The following KALRN variants were observed in gnomAD, a reference collection of about 807,000 sequenced individuals.
KALRN encodes the protein kalirin RhoGEF kinase, also known as kalirin.
In KALRN, 70 loss-of-function variants were observed where a neutral mutation model predicts 353.7. The observed-to-expected ratio is 0.20, with a 90% CI of 0.16 to 0.24. The LOEUF (loss-of-function observed/expected upper bound fraction) is 0.24, where lower values mean the gene tolerates loss of function less well. Ranked by LOEUF, KALRN falls within the 10% of genes least tolerant of loss-of-function variation. The probability of loss-of-function intolerance (pLI) is 1.00; values close to 1 mark genes in which losing one functional copy is unlikely to be tolerated. For synonymous variants in KALRN, 1,391 were observed against 1,434.8 expected (o/e 0.97, Z 0.69); for missense variants, 2,791 against 3,756.7 (o/e 0.74, Z 6.72).
In KALRN at chr3:124,456,601, C is replaced by T. The variant is rs530786621; in HGVS notation, c.3736-9C>T. On this transcript the variant is annotated splice_polypyrimidine_tract_variant and intron_variant, in intron 22 of 59. Transcript: ENST00000682506. ...CACAAGGTGACCTTTGTGATCCCTC[C>T]ATGTGCAGGATAATAAGGACCTGGA... 1.0e-5 allele frequency: 16 copies of T among 1,601,286 alleles called. No homozygotes were observed. The highest frequency in any genetic ancestry group is 1.3e-5 in the African/African-American group (1 of 74,714).
chr3:124,243,030 T>G lies in KALRN; in HGVS notation c.263+8087T>G, dbSNP rs906560157. Among the ~76,000 whole-genome samples, 3 of 152,174 alleles carry G rather than the reference T, an allele frequency of 2.0e-5. No homozygotes were observed. In the East Asian group the frequency reaches 5.8e-4, roughly 29 times the overall value. On this transcript the variant is annotated intron_variant, in intron 3 of 59. Coordinates refer to ENST00000682506, the MANE Select transcript of KALRN (RefSeq NM_001388419.1). ...ACCCCGAGCTTAATGCCTACATTGG[T>G]GGGGTAGTCTCTATCGTATTCTAGC...
At chr3:124,090,519 C>T (rs935780262) in intron 1 of KALRN, among the ~76,000 whole-genome samples, 5 of 152,228 alleles carry the variant, frequency 3.3e-5, no homozygotes, top group Non-Finnish European at 7.3e-5. Context: ...TTCTCAGCCT[C>T]CTGGGTGGCA....
At chr3:124,600,666 T>G (rs2076703969) in intron 34 of KALRN, among the ~76,000 whole-genome samples, 1 of 152,254 alleles carries the variant, frequency 6.6e-6, no homozygotes, top group African/African-American at 2.4e-5. Context: ...TGATATCATA[T>G]ATGTGACTAT....
intron 5 of KALRN, among the ~76,000 whole-genome samples, chr3:124,296,769 A>G (rs1197137140): frequency 6.6e-6 from 1 of 152,208 alleles, no homozygotes; most frequent in Non-Finnish European, 1.5e-5. Flanking sequence ...TGCCCTCGAC[A>G]CAGTGGGCTA....
intron 37 of KALRN, among the ~76,000 whole-genome samples, chr3:124,644,684 C>T (rs950679094): frequency 7.9e-5 from 12 of 152,212 alleles, no homozygotes; most frequent in African/African-American, 2.9e-4. Context: ...GCATAGTATT[C>T]CATGGTGTAT....
intron 2 of KALRN, among the ~76,000 whole-genome samples, chr3:124,229,439 A>G (rs1041477255): frequency 2.0e-5 from 3 of 152,276 alleles, no homozygotes; most frequent in African/African-American, 7.2e-5. Flanking sequence ...TTTGAGAAAC[A>G]TGCCACGTGC....
At position 124,674,418 on chromosome 3, in the gene KALRN, T is replaced by A. The variant is rs1559827297; in HGVS notation, c.6997T>A (p.Tyr2333Asn). Residue 2333 changes from tyrosine (Y) to asparagine (N), a missense_variant, in exon 49 of 60, where the codon TAT (tyrosine) becomes AAT (asparagine). Coordinates refer to ENST00000682506, the MANE Select transcript of KALRN (RefSeq NM_001388419.1). Reference protein sequence around the residue: ...TSSMAVIKDYYALKENEICVS... With the variant: ...TSSMAVIKDYNALKENEICVS... ...GTCCATGGCCGTGATCAAAGATTAC[T>A]ATGCACTGAAGGAGAATGAAATCTG... The A allele has an allele frequency of 6.2e-7, 1 of 1,614,046 alleles. No individual in the cohort carries two copies. Among genetic ancestry groups the A allele is most frequent in the Admixed American group, 1.7e-5 (1 of 60,004 alleles).
chr3:124,632,568 G>T lies in KALRN; in HGVS notation c.5331G>T (p.Val1777=). The change falls in exon 35 of 60, where the codon GTG becomes GTT. Residue 1777 remains valine (V), a synonymous_variant. Transcript: ENST00000682506. ...TTAAGAAGTGGCTGACGAGTCCTGT[G>T]CGTCGGCTTAACAGCGGGAAGGCAG... ...NTLKKWLTSP[V]RRLNSGKADG... 1.2e-6 allele frequency: 2 copies of T among 1,614,214 alleles called. No individual in the cohort carries two copies. The highest frequency in any genetic ancestry group is 1.7e-6 in the Non-Finnish European group (2 of 1,180,034).
rs1426082860 is a variant in KALRN, at chr3:124,384,862, G to A, written c.1788G>A (p.Ala596=). The change falls in exon 11 of 60, where the codon GCG becomes GCA. Residue 596 remains alanine (A), a synonymous_variant. Coordinates refer to ENST00000682506, the MANE Select transcript of KALRN (RefSeq NM_001388419.1). ...EEVAQNTYTN[A]DKLLEAAEQL... ...GCTGGCAGAATACGTACACCAATGC[G>A]GACAAGCTCCTAGAAGCAGCAGAGC... 7 of 1,604,276 alleles carry A rather than the reference G, an allele frequency of 4.4e-6. No homozygotes were observed. The highest frequency in any genetic ancestry group is 1.7e-4 in the Middle Eastern group (1 of 6,046).
intron 33 of KALRN, chr3:124,519,707 G>A: frequency 1.0e-6 from 1 of 985,414 alleles, no homozygotes; most frequent in African/African-American, 1.7e-5. Context: ...AATTGCACCT[G>A]GCTCAGGAAA....
chr3:124,448,696 C>A (rs982001200), intron 21 of KALRN, among the ~76,000 whole-genome samples: 1 of 151,518 alleles, frequency 6.6e-6, no homozygotes, highest in African/African-American at 2.4e-5. Context: ...CCCTGCACTA[C>A]GGCCCTTGTC....
intron 37 of KALRN, among the ~76,000 whole-genome samples, chr3:124,646,390 A>ATTTTTTTTTTTTTTTTTTT (rs1578623220): frequency 4.2e-5 from 4 of 94,672 alleles, no homozygotes; most frequent in African/African-American, 1.2e-4. Context: ...TCTTTTGTTT[A>ATTTTTTTTTTTTTTTTTTT]CTTTTTTTTT....
intron 1 of KALRN, among the ~76,000 whole-genome samples, chr3:124,198,216 G>A (rs1019570623): frequency 6.6e-6 from 1 of 152,180 alleles, no homozygotes; most frequent in Non-Finnish European, 1.5e-5. Flanking sequence ...GGAAGTCTCT[G>A]GAGTGTGGTG....
chr3:124,139,727 A>T (rs1353080002), intron 1 of KALRN, among the ~76,000 whole-genome samples: 1 of 152,118 alleles, frequency 6.6e-6, no homozygotes, highest in African/African-American at 2.4e-5. Flanking sequence ...AGTGAGATAG[A>T]ACTGTGGGGG....
intron 1 of KALRN, among the ~76,000 whole-genome samples, chr3:124,072,237 G>T (rs558229258): frequency 6.6e-6 from 1 of 152,274 alleles, no homozygotes; most frequent in South Asian, 2.1e-4. Flanking sequence ...GCAAGTCCTT[G>T]TAAAGGCAGC....
At chr3:124,386,937 GA>G (rs1376573641) in intron 11 of KALRN, among the ~76,000 whole-genome samples, 16 of 152,274 alleles carry the variant, frequency 1.1e-4, no homozygotes, top group South Asian at 1.0e-3. Flanking sequence ...CTAAGCCTCA[GA>G]AAATAACTTT....
chr3:124,350,438 T>C (rs72978417), intron 10 of KALRN, among the ~76,000 whole-genome samples: 1,634 of 152,318 alleles, frequency 0.011, 25 homozygotes, highest in African/African-American at 0.036. Context: ...AGAAAGTTCT[T>C]CCATGTGCCC....
chr3:124,608,903 C>T (rs1051311349), intron 34 of KALRN, among the ~76,000 whole-genome samples: 4 of 152,128 alleles, frequency 2.6e-5, no homozygotes, highest in African/African-American at 2.4e-5. Context: ...TTGTGTGGCC[C>T]AGTGCTGCTT....
intron 1 of KALRN, among the ~76,000 whole-genome samples, chr3:124,103,209 G>A (rs1038344915): frequency 6.6e-6 from 1 of 152,198 alleles, no homozygotes; most frequent in Non-Finnish European, 1.5e-5. Context: ...AACTACCCAG[G>A]CAAGATGTAT....
Sources: gnomAD v4.1 joint callset for allele counts (sites outside exome capture counted in the v4.1 genomes callset) on GRCh38, gnomAD v4.1.1 for gene constraint, MANE v1.5 for transcripts, NCBI Gene and HGNC (gene_info 2026-07-23, HGNC 2026-07-21) for gene names.